Variants in HPS4 observed in about 807,000 individuals in gnomAD.
HPS4 encodes BLOC-3 complex member HPS4.
A neutral mutation model predicts 70.3 loss-of-function variants in HPS4; 44 were observed. The observed-to-expected ratio is 0.63, with a 90% CI of 0.49 to 0.80. The LOEUF is 0.80. Ranked by LOEUF, HPS4 falls within the 30% of genes least tolerant of loss-of-function variation. HPS4 has a pLI of 0.00. For missense variants in HPS4, 873 were observed against 884.4 expected (o/e 0.99, Z 0.16); for synonymous variants, 377 against 355.9 (o/e 1.06, Z -0.67).
intron 4 of HPS4, chr22:26,475,748 A>C (rs2090456222): frequency 6.6e-6 from 1 of 151,954 alleles, no homozygotes; most frequent in South Asian, 2.1e-4. Context: ...AACTGTAACA[A>C]AATAATTTGG....
rs1207366672 is a variant in HPS4 at position 26,451,849 on chromosome 22, C to G, written c.*1384G>C. 6.4e-6 allele frequency: 1 copy of G among 155,108 alleles called. No homozygotes were observed. Among genetic ancestry groups the G allele is most frequent in the Non-Finnish European group, 1.4e-5 (1 of 70,006 alleles). The allele number at this position is 155,108 out of a possible 1,614,324, so 9.6% of individuals were successfully genotyped here. ...GGAGAGAGGTGATAGAAGAGGGAGA[C>G]ACAGGCTTGGTGTATTGGATCAGCT... On this transcript the variant is annotated 3_prime_UTR_variant, in exon 14 of 14. Transcript: ENST00000398145.
chr22:26,448,749 GAGA>G (rs139294491), downstream of HPS4, among the ~76,000 whole-genome samples: 2,170 of 152,340 alleles, frequency 0.014, 52 homozygotes, highest in African/African-American at 0.049. Flanking sequence ...TGGATCAACA[GAGA>G]AGGTGTCCTA....
intron 4 of HPS4, among the ~76,000 whole-genome samples, chr22:26,474,185 A>G (rs2090215223): frequency 6.6e-6 from 1 of 152,216 alleles, no homozygotes; most frequent in Non-Finnish European, 1.5e-5. Context: ...GACTTACTAT[A>G]AAGCTATAGA....
chr22:26,463,406 C>T (rs1388861897), intron 11 of HPS4, among the ~76,000 whole-genome samples: 2 of 152,222 alleles, frequency 1.3e-5, no homozygotes, highest in African/African-American at 4.8e-5. Context: ...GAACCTAGAG[C>T]TGTCCAGGCT....
rs759070239 is a variant in HPS4 at position 26,458,587 on chromosome 22, G to C, written c.1714-10C>G. 5 of 1,613,800 alleles carry C rather than the reference G, an allele frequency of 3.1e-6. No homozygotes were observed. Among genetic ancestry groups the C allele is most frequent in the Non-Finnish European group, 4.2e-6 (5 of 1,179,922 alleles). ...CCAGGCTGCTGTGGTACTGCAAAGG[G>C]GGAGAGGGTCATGGGCTTGTAGGGC... On this transcript the variant is annotated splice_polypyrimidine_tract_variant and intron_variant, in intron 11 of 13. Transcript: ENST00000398145.
chr22:26,474,016 C>A (rs1602046574), intron 4 of HPS4, among the ~76,000 whole-genome samples: 1 of 152,290 alleles, frequency 6.6e-6, no homozygotes, highest in South Asian at 2.1e-4. Flanking sequence ...TCAATTCTTC[C>A]AATTGATGAA....
intron 8 of HPS4, chr22:26,467,997 G>A (rs1038589201): frequency 1.3e-5 from 2 of 153,964 alleles, no homozygotes; most frequent in African/African-American, 2.4e-5. Flanking sequence ...CTGCCTGCCA[G>A]GTTCAAGCGA....
chr22:26,469,911 C>A (rs1190805426), intron 7 of HPS4, among the ~76,000 whole-genome samples: 1 of 152,180 alleles, frequency 6.6e-6, no homozygotes, highest in African/African-American at 2.4e-5. Flanking sequence ...TCATTTCATT[C>A]TTCACAAGGG....
At position 26,453,123 on chromosome 22, in the gene HPS4, TA is replaced by T. The variant is rs2085477925; in HGVS notation, c.*109del. Reference sequence around the variant, plus strand: ...AAAAACTCAAATATCATTTGGTTCCTAAAAAAGGGAATGTTTTCAAGAAAAA... The same window carrying T: ...AAAAACTCAAATATCATTTGGTTCCTAAAAAGGGAATGTTTTCAAGAAAAA... On this transcript the variant is annotated 3_prime_UTR_variant, in exon 14 of 14. Transcript: ENST00000398145. 8.4e-6 allele frequency: 10 copies of T among 1,192,688 alleles called. No individual in the cohort carries two copies. In the South Asian group the frequency reaches 1.3e-4, roughly 15 times the overall value. 73.9% of individuals were successfully genotyped at this position (1,192,688 alleles called of 1,614,324 possible). A position where few individuals can be genotyped will look rare whatever the true frequency, so the allele number is the denominator to read the frequency against.
chr22:26,474,849 A>T (rs186248139), intron 4 of HPS4, among the ~76,000 whole-genome samples: 33 of 152,344 alleles, frequency 2.2e-4, no homozygotes, highest in Non-Finnish European at 4.4e-4. Context: ...ATTAGTCATC[A>T]GGGAAGTGAA....
intron 3 of HPS4, among the ~76,000 whole-genome samples, chr22:26,479,028 A>G (rs1351607043): frequency 2.6e-5 from 4 of 152,204 alleles, no homozygotes; most frequent in African/African-American, 4.8e-5. Context: ...AATTGGGGGT[A>G]GAGGGAGGCA....
intron 6 of HPS4, 65 bp from the exon 7 acceptor site, chr22:26,470,878 G>T: frequency 1.9e-6 from 3 of 1,602,368 alleles, no homozygotes; most frequent in Non-Finnish European, 2.6e-6. Flanking sequence ...GGGAGAAAAG[G>T]GGAAAGGGTT....
At chr22:26,466,668 A>T in intron 8 of HPS4, 1 of 287,966 alleles carries the variant, frequency 3.5e-6, no homozygotes, top group South Asian at 4.0e-5. Flanking sequence ...CCATTATAAT[A>T]AAAATGTCAA....
chr22:26,460,018 G>A (rs2086919129), intron 11 of HPS4, among the ~76,000 whole-genome samples: 1 of 152,186 alleles, frequency 6.6e-6, no homozygotes, highest in Admixed American at 6.5e-5. Context: ...GTTATTTTGG[G>A]AGTATATTGG....
Position 26,466,050 on chromosome 22 carries a change from C to T in HPS4, c.706+176G>A, listed in dbSNP as rs972066075. ...CAGCATGCCTAAAATCATAGCTTTA[C>T]CATTAGGGTTCTGGTGGGTAACTCG... On this transcript the variant is annotated intron_variant, in intron 9 of 13. Transcript: ENST00000398145. 8.6e-5 allele frequency: 133 copies of T among 1,540,494 alleles called. No homozygotes were observed. Among genetic ancestry groups the T allele is most frequent in the Non-Finnish European group, 1.0e-4 (120 of 1,145,550 alleles).
chr22:26,469,216 G>T (rs1277169431), intron 7 of HPS4, among the ~76,000 whole-genome samples: 2 of 148,878 alleles, frequency 1.3e-5, no homozygotes, highest in Non-Finnish European at 3.0e-5. Context: ...GGAGGCTGAG[G>T]TGGGAGAATA....
At chr22:26,470,384 C>T (rs1277736537) in intron 7 of HPS4, among the ~76,000 whole-genome samples, 1 of 152,202 alleles carries the variant, frequency 6.6e-6, no homozygotes, top group Non-Finnish European at 1.5e-5. Flanking sequence ...CCTTCCATGC[C>T]TCTTGACTAC....
At chr22:26,478,928 T>C (rs780216668) in intron 3 of HPS4, among the ~76,000 whole-genome samples, 3 of 152,094 alleles carry the variant, frequency 2.0e-5, no homozygotes, top group Non-Finnish European at 2.9e-5. Context: ...AGGTGATCCA[T>C]CCACCTCAGC....
rs902148584 is a variant in HPS4, at chr22:26,450,981, C to G, written c.*2252G>C. On this transcript the variant is annotated 3_prime_UTR_variant, in exon 14 of 14. Coordinates refer to ENST00000398145, the MANE Select transcript of HPS4 (RefSeq NM_022081.6). Reference sequence around the variant, plus strand: ...ATCACTCATGCGACCTTTATCCTTACAGTTCACAGGTGGCAGATGGCTGGC... The same window carrying G: ...ATCACTCATGCGACCTTTATCCTTAGAGTTCACAGGTGGCAGATGGCTGGC... Among the ~76,000 whole-genome samples the G allele has an allele frequency of 6.6e-6, 1 of 152,220 alleles. No homozygotes were observed. The highest frequency in any genetic ancestry group is 2.4e-5 in the African/African-American group (1 of 41,446).
Sources: allele counts gnomAD v4.1 joint callset (sites outside exome capture counted in the v4.1 genomes callset), GRCh38; gene constraint gnomAD v4.1.1; transcripts MANE v1.5; gene names NCBI Gene and HGNC (gene_info 2026-07-23, HGNC 2026-07-21).